The following NPAS3 variants were observed in gnomAD, a reference collection of about 807,000 sequenced individuals.
The protein encoded by NPAS3 is neuronal PAS domain-containing protein 3.
A neutral mutation model predicts 73.1 loss-of-function variants in NPAS3; 14 were observed. That is an observed-to-expected ratio of 0.19 (90% CI 0.13 to 0.30). The LOEUF (loss-of-function observed/expected upper bound fraction) is 0.30, where lower values mean the gene tolerates loss of function less well. Among genes scored for constraint, NPAS3 ranks in the 10% least tolerant of loss-of-function variants. The probability of loss-of-function intolerance (pLI) is 1.00; values close to 1 mark genes in which losing one functional copy is unlikely to be tolerated. For missense variants in NPAS3, 1,096 were observed against 1,250.0 expected (o/e 0.88, Z 1.86); for synonymous variants, 620 against 541.5 (o/e 1.14, Z -2.01).
intron 3 of NPAS3, among the ~76,000 whole-genome samples, chr14:33,266,117 G>A (rs1429646529): frequency 6.6e-6 from 1 of 151,944 alleles, no homozygotes; most frequent in African/African-American, 2.4e-5. Context: ...ATGTCCTTTG[G>A]GGAAGTCATT....
intron 7 of NPAS3, among the ~76,000 whole-genome samples, chr14:33,767,180 C>G (rs1481119369): frequency 6.6e-6 from 1 of 152,166 alleles, no homozygotes; most frequent in Non-Finnish European, 1.5e-5. Flanking sequence ...AAGAGTGAGA[C>G]AGAAGCAGAT....
chr14:33,214,593 T>A (rs1237680467), intron 2 of NPAS3: 1 of 152,378 alleles, frequency 6.6e-6, no homozygotes, highest in Non-Finnish European at 1.5e-5. Context: ...TACATTGAAA[T>A]CTTCATTTTA....
intron 3 of NPAS3, among the ~76,000 whole-genome samples, chr14:33,245,577 T>C (rs958177751): frequency 6.6e-6 from 1 of 152,214 alleles, no homozygotes; most frequent in Non-Finnish European, 1.5e-5. Flanking sequence ...TGATAATACA[T>C]ATTTATACCA....
intron 4 of NPAS3, among the ~76,000 whole-genome samples, chr14:33,538,425 C>A (rs749914886): frequency 6.6e-6 from 1 of 152,156 alleles, no homozygotes; most frequent in African/African-American, 2.4e-5. Context: ...AATAAAACTC[C>A]GATATCCCTG....
At chr14:33,564,525 G>A (rs994770072) in intron 5 of NPAS3, among the ~76,000 whole-genome samples, 1 of 152,210 alleles carries the variant, frequency 6.6e-6, no homozygotes, top group South Asian at 2.1e-4. Flanking sequence ...ATCGGAGAGC[G>A]ATGTTCTGTT....
intron 4 of NPAS3, among the ~76,000 whole-genome samples, chr14:33,496,468 C>T (rs977364194): frequency 3.9e-5 from 6 of 152,024 alleles, no homozygotes; most frequent in Non-Finnish European, 7.4e-5. Context: ...ACTGGCAAAC[C>T]GAATACAGCA....
chr14:32,941,400 A>G (rs2036010594), intron 1 of NPAS3, among the ~76,000 whole-genome samples: 1 of 145,090 alleles, frequency 6.9e-6, no homozygotes, highest in Admixed American at 7.0e-5. Flanking sequence ...GGCCCCAGTA[A>G]TCTCTCTAGC....
intron 2 of NPAS3, among the ~76,000 whole-genome samples, chr14:33,090,832 A>T (rs2042200001): frequency 6.6e-6 from 1 of 152,236 alleles, no homozygotes; most frequent in African/African-American, 2.4e-5. Context: ...AGAACTCAGG[A>T]TTAAGAAACT....
At chr14:33,006,318 C>T (rs1480824297) in intron 1 of NPAS3, among the ~76,000 whole-genome samples, 1 of 152,150 alleles carries the variant, frequency 6.6e-6, no homozygotes. Context: ...TTCATAATAA[C>T]ACTAGGACAA....
chr14:33,118,270 G>A (rs1279427355), intron 2 of NPAS3, among the ~76,000 whole-genome samples: 1 of 151,950 alleles, frequency 6.6e-6, no homozygotes, highest in Non-Finnish European at 1.5e-5. Flanking sequence ...CTTTAGCTAT[G>A]ATGGGGATTG....
chr14:33,279,406 C>T (rs1341897938), intron 3 of NPAS3, among the ~76,000 whole-genome samples: 1 of 152,054 alleles, frequency 6.6e-6, no homozygotes, highest in Non-Finnish European at 1.5e-5. Context: ...TACATGGACA[C>T]GGAGGTTGGA....
At chr14:33,760,807 C>T (rs1324227280) in intron 7 of NPAS3, among the ~76,000 whole-genome samples, 3 of 152,068 alleles carry the variant, frequency 2.0e-5, no homozygotes, top group Non-Finnish European at 4.4e-5. Flanking sequence ...TCAAAAGAAT[C>T]ATTACTTGTT....
intron 6 of NPAS3, among the ~76,000 whole-genome samples, chr14:33,707,270 G>A (rs951821060): frequency 1.3e-4 from 20 of 152,126 alleles, no homozygotes; most frequent in African/African-American, 4.3e-4. Context: ...CACTGGTGGA[G>A]TGAGGACTTG....
chr14:33,284,500 GAAA>G (rs1443342190), intron 3 of NPAS3, among the ~76,000 whole-genome samples: 1 of 152,078 alleles, frequency 6.6e-6, no homozygotes, highest in Non-Finnish European at 1.5e-5. Flanking sequence ...TAATAGAAAT[GAAA>G]AGCCTCTATG....
At position 33,774,201 on chromosome 14, in the gene NPAS3, C is replaced by T. The variant is rs114242842; in HGVS notation, c.853-136C>T. The T allele has an allele frequency of 9.0e-3, 5,740 of 635,182 alleles. 41 individuals carry two copies. Among genetic ancestry groups the T allele is most frequent in the African/African-American group, 0.016 (859 of 54,550 alleles). The allele number at this position is 635,182 out of a possible 1,614,324, so 39.3% of individuals were successfully genotyped here. On this transcript the variant is annotated intron_variant, in intron 7 of 11. Transcript: ENST00000356141. ...TGCCACAAGGACACTGAGGGCATGCCGACAGCCATTATGATTACAGAAGAT... is the reference window on the plus strand; with the variant it reads ...TGCCACAAGGACACTGAGGGCATGCTGACAGCCATTATGATTACAGAAGAT...
At chr14:32,972,973 A>C (rs565920134) in intron 1 of NPAS3, among the ~76,000 whole-genome samples, 3 of 152,354 alleles carry the variant, frequency 2.0e-5, no homozygotes, top group Non-Finnish European at 4.4e-5. Context: ...TACAAGGTAG[A>C]TACTGCTGGA....
chr14:32,958,580 C>T (rs2036776379), intron 1 of NPAS3, among the ~76,000 whole-genome samples: 1 of 152,148 alleles, frequency 6.6e-6, no homozygotes, highest in South Asian at 2.1e-4. Flanking sequence ...ATTCTCATGG[C>T]TTCATAAAAA....
intron 4 of NPAS3, among the ~76,000 whole-genome samples, chr14:33,486,335 A>G (rs183577604): frequency 5.7e-4 from 86 of 152,136 alleles, no homozygotes; most frequent in African/African-American, 1.9e-3. Context: ...ATTTTCCTTC[A>G]GCTTTTCTCA....
chr14:33,616,190 G>A (rs1336241717), intron 5 of NPAS3, among the ~76,000 whole-genome samples: 2 of 152,182 alleles, frequency 1.3e-5, no homozygotes, highest in East Asian at 3.8e-4. Context: ...TTCGTAAGCT[G>A]GACAACGGGT....
Sources: allele counts gnomAD v4.1 joint callset (sites outside exome capture counted in the v4.1 genomes callset), GRCh38; gene constraint gnomAD v4.1.1; transcripts MANE v1.5; gene names NCBI Gene and HGNC (gene_info 2026-07-23, HGNC 2026-07-21).